The following AGBL4 variants were observed in gnomAD, a reference collection of about 807,000 sequenced individuals.
The protein encoded by AGBL4 is cytosolic carboxypeptidase 6.
A neutral mutation model predicts 66.4 loss-of-function variants in AGBL4; 58 were observed. The ratio of observed to expected loss-of-function variants is 0.87; its 90% confidence interval spans 0.71 to 1.09. The LOEUF is 1.09. Ranked by LOEUF, AGBL4 falls within the 50% of genes least tolerant of loss-of-function variation. AGBL4 has a pLI of 0.00. For synonymous variants in AGBL4, 234 were observed against 222.9 expected, an observed-to-expected ratio of 1.05 and a Z score of -0.44; for missense variants, 579 against 631.0, an observed-to-expected ratio of 0.92 and a Z score of 0.88.
At chr1:49,948,001 T>TATATATTTATATATATAA (rs1557607554) in intron 1 of AGBL4, among the ~76,000 whole-genome samples, 3 of 92,486 alleles carry the variant, frequency 3.2e-5, no homozygotes, top group East Asian at 2.8e-4. Flanking sequence ...TATATATAAA[T>TATATATTTATATATATAA]ATATATAAAT....
intron 6 of AGBL4, among the ~76,000 whole-genome samples, chr1:48,798,188 G>A (rs141669932): frequency 5.5e-4 from 84 of 152,100 alleles, no homozygotes; most frequent in Non-Finnish European, 9.0e-4. Context: ...GAGTAAGGTG[G>A]TATCTCATTG....
intron 1 of AGBL4, among the ~76,000 whole-genome samples, chr1:49,915,202 G>T (rs1354656979): frequency 6.6e-6 from 1 of 152,094 alleles, no homozygotes; most frequent in African/African-American, 2.4e-5. Context: ...CGGAGGTACT[G>T]GGTTCATCTC....
At chr1:48,674,065 C>T (rs1047190132) in intron 6 of AGBL4, among the ~76,000 whole-genome samples, 4 of 152,204 alleles carry the variant, frequency 2.6e-5, no homozygotes, top group African/African-American at 9.6e-5. Context: ...CCCCTGCCCA[C>T]CTCCCACGCT....
rs1246626731 is a variant in AGBL4, at chr1:49,948,311, TATATATAAATATATAAAC to T, written c.34+75434_34+75451del. The stretch of plus-strand genomic sequence containing the variant: ...AAATATATAAAAATATATATAAATA[TATATATAAATATATAAAC>T]ATATATAAATATATAAATATATATA... On this transcript the variant is annotated intron_variant, in intron 1 of 13. Transcript: ENST00000371839. Among the ~76,000 whole-genome samples, 6 of 108,846 alleles carry T rather than the reference TATATATAAATATATAAAC, an allele frequency of 5.5e-5. No homozygotes were observed. In the East Asian group the frequency reaches 1.2e-3, roughly 22 times the overall value. 71.4% of individuals were successfully genotyped at this position (108,846 alleles called of 152,430 possible).
intron 2 of AGBL4, among the ~76,000 whole-genome samples, chr1:49,784,212 C>T (rs1339836145): frequency 6.6e-6 from 1 of 152,058 alleles, no homozygotes. Context: ...ATGTTGCACC[C>T]TTCCCTATTT....
chr1:49,803,947 A>G (rs1180922906), intron 2 of AGBL4, among the ~76,000 whole-genome samples: 1 of 152,194 alleles, frequency 6.6e-6, no homozygotes, highest in Non-Finnish European at 1.5e-5. Context: ...AAAGTAACCT[A>G]TCCTAAGATG....
rs1487074472 is a variant in AGBL4, at chr1:49,741,938, A to G, written c.158-44501T>C. 2.6e-5 allele frequency among the ~76,000 whole-genome samples: 4 copies of G among 152,112 alleles called. No individual in the cohort carries two copies. In the East Asian group the frequency reaches 7.7e-4, roughly 29 times the overall value. On this transcript the variant is annotated intron_variant, in intron 2 of 13. Transcript: ENST00000371839. Reference sequence around the variant, plus strand: ...AGCTATCTATGACAAACCCACAGCCAATATCATACTGAATGGGCAAAAACT... The same window carrying G: ...AGCTATCTATGACAAACCCACAGCCGATATCATACTGAATGGGCAAAAACT...
intron 3 of AGBL4, among the ~76,000 whole-genome samples, chr1:49,282,370 A>T (rs951590843): frequency 1.3e-5 from 2 of 152,230 alleles, no homozygotes; most frequent in African/African-American, 4.8e-5. Flanking sequence ...TGTCTCAAAA[A>T]AAGGAGTAGG....
intron 3 of AGBL4, among the ~76,000 whole-genome samples, chr1:49,539,655 T>C (rs1271354225): frequency 1.3e-5 from 2 of 152,164 alleles, no homozygotes; most frequent in Non-Finnish European, 2.9e-5. Flanking sequence ...GCCGCATATT[T>C]ATATACAACC....
intron 6 of AGBL4, among the ~76,000 whole-genome samples, chr1:48,717,447 GATAC>G (rs1647070902): frequency 6.6e-6 from 1 of 152,208 alleles, no homozygotes; most frequent in African/African-American, 2.4e-5. Flanking sequence ...TATTTATGCT[GATAC>G]ATACTCCTCT....
In AGBL4 at chr1:49,194,841, G is replaced by GTT. The variant is rs200420257; in HGVS notation, c.377+50927_377+50928dup. 9.9e-4 allele frequency among the ~76,000 whole-genome samples: 138 copies of GTT among 139,810 alleles called. 1 individual carries two copies. In the South Asian group the frequency reaches 0.01, roughly 10 times the overall value. 91.7% of individuals were successfully genotyped at this position (139,810 alleles called of 152,430 possible). On this transcript the variant is annotated intron_variant, in intron 4 of 13. Coordinates refer to ENST00000371839, the MANE Select transcript of AGBL4 (RefSeq NM_032785.4). ...ATAGATAATTGGGAATCATTGATCTGTTTTTTTTTTTTTTGAGTCAGGGTA... is the reference window on the plus strand; with the variant it reads ...ATAGATAATTGGGAATCATTGATCTGTTTTTTTTTTTTTTTTGAGTCAGGGTA...
At chr1:48,708,513 C>T (rs1386471676) in intron 6 of AGBL4, among the ~76,000 whole-genome samples, 1 of 152,054 alleles carries the variant, frequency 6.6e-6, no homozygotes, top group African/African-American at 2.4e-5. Context: ...ACAGGGAGAG[C>T]CATGGTTGGG....
intron 11 of AGBL4, among the ~76,000 whole-genome samples, chr1:48,571,906 C>T (rs951395141): frequency 2.6e-5 from 4 of 152,126 alleles, no homozygotes; most frequent in Non-Finnish European, 4.4e-5. Context: ...ATCAGACACT[C>T]AAACAAGAAG....
chr1:49,139,766 G>T (rs538839669), intron 4 of AGBL4, among the ~76,000 whole-genome samples: 3 of 152,110 alleles, frequency 2.0e-5, no homozygotes, highest in Non-Finnish European at 4.4e-5. Flanking sequence ...AGTGGAAAGG[G>T]TCTTGACAAG....
chr1:49,005,219 C>G (rs768643405), intron 5 of AGBL4, among the ~76,000 whole-genome samples: 4 of 152,196 alleles, frequency 2.6e-5, no homozygotes, highest in Non-Finnish European at 5.9e-5. Context: ...CCCATAGAAA[C>G]TAAATTTCAA....
chr1:49,829,760 C>T (rs999818333), intron 2 of AGBL4, among the ~76,000 whole-genome samples: 4 of 152,076 alleles, frequency 2.6e-5, no homozygotes, highest in Non-Finnish European at 4.4e-5. Flanking sequence ...AATGCTATCC[C>T]TCCCCTAGGC....
chr1:49,559,017 A>G (rs1643970011), intron 3 of AGBL4, among the ~76,000 whole-genome samples: 1 of 152,126 alleles, frequency 6.6e-6, no homozygotes, highest in Admixed American at 6.5e-5. Context: ...GGAACTCGCC[A>G]TCCTGAAGGG....
rs59041939 is a variant in AGBL4, at chr1:48,816,045, TTGTGTGTGTGTGTGTGTGTG to T, written c.634+51126_634+51145del. On this transcript the variant is annotated intron_variant, in intron 6 of 13. Transcript: ENST00000371839. Reference sequence around the variant, plus strand: ...TTTGGCCACTTATTGAGGAACTGTTTTGTGTGTGTGTGTGTGTGTGTGTGTGTGTGTGTGTGTGTGTGTGT... The same window carrying T: ...TTTGGCCACTTATTGAGGAACTGTTTTGTGTGTGTGTGTGTGTGTGTGTGT... 7.1e-4 allele frequency among the ~76,000 whole-genome samples: 103 copies of T among 144,396 alleles called. 1 individual carries two copies. Among genetic ancestry groups the T allele is most frequent in the South Asian group, 5.5e-3 (24 of 4,334 alleles). 94.7% of individuals were successfully genotyped at this position (144,396 alleles called of 152,430 possible). A position where few individuals can be genotyped will look rare whatever the true frequency, so the allele number is the denominator to read the frequency against.
At chr1:49,655,601 G>A (rs1646109887) in intron 3 of AGBL4, among the ~76,000 whole-genome samples, 2 of 152,246 alleles carry the variant, frequency 1.3e-5, no homozygotes, top group African/African-American at 4.8e-5. Flanking sequence ...AGAGAAAGCA[G>A]GACAGATCTA....
Sources: allele counts gnomAD v4.1 joint callset (sites outside exome capture counted in the v4.1 genomes callset), GRCh38; gene constraint gnomAD v4.1.1; transcripts MANE v1.5; gene names NCBI Gene and HGNC (gene_info 2026-07-23, HGNC 2026-07-21).